The following LRRC7 variants were observed in gnomAD, a reference collection of about 807,000 sequenced individuals.
LRRC7 encodes leucine-rich repeat-containing protein 7.
A neutral mutation model predicts 175.7 loss-of-function variants in LRRC7; 23 were observed. That is an observed-to-expected ratio of 0.13 (90% CI 0.09 to 0.19). LRRC7 has a LOEUF of 0.19. LRRC7 is among the 10% of genes least tolerant of loss of function. LRRC7 has a pLI of 1.00. For synonymous variants in LRRC7, 685 were observed against 680.9 expected, an observed-to-expected ratio of 1.01 and a Z score of -0.09; for missense variants, 1,354 against 1,904.7, an observed-to-expected ratio of 0.71 and a Z score of 5.38.
intron 21 of LRRC7, among the ~76,000 whole-genome samples, 195 bp from the exon 22 acceptor site, chr1:70,043,759 T>A (rs1239570701): frequency 6.6e-6 from 1 of 152,200 alleles, no homozygotes; most frequent in Non-Finnish European, 1.5e-5. Context: ...TTTCTGTAGT[T>A]TTGGATGGTA....
intron 4 of LRRC7, among the ~76,000 whole-genome samples, chr1:69,807,669 G>A (rs1677294367): frequency 6.6e-6 from 1 of 152,106 alleles, no homozygotes; most frequent in Admixed American, 6.6e-5. Flanking sequence ...GGGATCCACT[G>A]TTAGTCTGAT....
At chr1:69,813,104 A>G (rs533420342) in intron 4 of LRRC7, among the ~76,000 whole-genome samples, 20 of 152,180 alleles carry the variant, frequency 1.3e-4, no homozygotes, top group South Asian at 4.2e-4. Flanking sequence ...CATCAGAACC[A>G]CCAATCCATT....
intron 3 of LRRC7, among the ~76,000 whole-genome samples, chr1:69,789,331 TAATTC>T (rs2101052847): frequency 6.7e-6 from 1 of 150,362 alleles, no homozygotes; most frequent in African/African-American, 2.4e-5. Context: ...ACCATGCCTT[TAATTC>T]AATTCAAGTC....
At chr1:69,963,111 C>T (rs1412822874) in intron 8 of LRRC7, among the ~76,000 whole-genome samples, 1 of 151,888 alleles carries the variant, frequency 6.6e-6, no homozygotes, top group Non-Finnish European at 1.5e-5. Flanking sequence ...TGAGACCAGC[C>T]TGGCCAGCCT....
At chr1:69,807,602 T>C (rs1365562173) in intron 4 of LRRC7, among the ~76,000 whole-genome samples, 2 of 152,096 alleles carry the variant, frequency 1.3e-5, no homozygotes, top group Non-Finnish European at 2.9e-5. Context: ...AATTATTCTC[T>C]TTAAGAATGT....
Position 69,734,388 on chromosome 1 carries a change from T to C in LRRC7, c.101-25803T>C, listed in dbSNP as rs114225942. 9.4e-3 allele frequency among the ~76,000 whole-genome samples: 1,433 copies of C among 152,020 alleles called. 22 individuals are homozygous for C. Among genetic ancestry groups the C allele is most frequent in the African/African-American group, 0.033 (1,351 of 41,548 alleles). On this transcript the variant is annotated intron_variant, in intron 2 of 26. Transcript: ENST00000651989. ...ACATAGCAAAGATTTTTTAAATAAA[T>C]ATCATTTTAATTAAAAAATTATAAT... is the stretch of plus-strand genomic sequence containing the variant.
intron 7 of LRRC7, among the ~76,000 whole-genome samples, chr1:69,885,494 G>A (rs1436469916): frequency 1.4e-5 from 2 of 142,282 alleles, no homozygotes; most frequent in Non-Finnish European, 3.0e-5. Flanking sequence ...GTGTCTATTT[G>A]ATTCTTCTCT....
chr1:70,102,130 G>A (rs994012870), intron 25 of LRRC7, among the ~76,000 whole-genome samples: 1 of 152,172 alleles, frequency 6.6e-6, no homozygotes, highest in African/African-American at 2.4e-5. Context: ...TTACTATAAA[G>A]GGTTGATACT....
At chr1:69,650,913 A>G (rs1307823576) in intron 1 of LRRC7, among the ~76,000 whole-genome samples, 28 of 152,210 alleles carry the variant, frequency 1.8e-4, no homozygotes, top group Admixed American at 1.8e-3. Context: ...TCATTTGATT[A>G]TAGCTGCCAC....
At chr1:69,826,867 T>A (rs1181805711) in intron 5 of LRRC7, among the ~76,000 whole-genome samples, 1 of 151,998 alleles carries the variant, frequency 6.6e-6, no homozygotes, top group African/African-American at 2.4e-5. Flanking sequence ...GAGGGAGTAG[T>A]GAAAGTGGTT....
At chr1:69,854,905 G>A (rs897764616) in intron 7 of LRRC7, among the ~76,000 whole-genome samples, 2 of 152,072 alleles carry the variant, frequency 1.3e-5, no homozygotes, top group Non-Finnish European at 2.9e-5. Flanking sequence ...GGCGAAGTGG[G>A]GGGGACCTGG....
At chr1:69,676,772 C>G (rs1392294929) in intron 1 of LRRC7, among the ~76,000 whole-genome samples, 1 of 151,976 alleles carries the variant, frequency 6.6e-6, no homozygotes, top group South Asian at 2.1e-4. Context: ...AAAACTGGTA[C>G]TTTTTAAAAA....
intron 26 of LRRC7, 99 bp downstream of exon 26, chr1:70,107,925 G>T (rs1435181607): frequency 6.4e-6 from 7 of 1,098,720 alleles, no homozygotes; most frequent in South Asian, 1.3e-5. Flanking sequence ...TTGAAAATAA[G>T]TCCTTCTCAC....
chr1:69,667,892 C>G (rs1403718016), intron 1 of LRRC7, among the ~76,000 whole-genome samples: 1 of 152,026 alleles, frequency 6.6e-6, no homozygotes, highest in Admixed American at 6.6e-5. Flanking sequence ...TTCCTTTCTT[C>G]CTTCTCGTCT....
intron 2 of LRRC7, among the ~76,000 whole-genome samples, chr1:69,742,232 A>G (rs1447571326): frequency 6.6e-6 from 1 of 152,054 alleles, no homozygotes; most frequent in African/African-American, 2.4e-5. Context: ...TTATTATTTT[A>G]CATATGAAAA....
At chr1:69,642,811 CATAGATAGATAGATAGATAG>C (rs142950544) in intron 1 of LRRC7, among the ~76,000 whole-genome samples, 4 of 147,176 alleles carry the variant, frequency 2.7e-5, no homozygotes, top group African/African-American at 7.6e-5. Flanking sequence ...ACAGATGATA[CATAGATAGATAGATAGATAG>C]ATAGATAGAT....
intron 10 of LRRC7, among the ~76,000 whole-genome samples, chr1:69,993,888 G>A (rs1446714869): frequency 6.6e-6 from 1 of 152,088 alleles, no homozygotes; most frequent in Non-Finnish European, 1.5e-5. Context: ...CAATTACTGT[G>A]TGACTATTGC....
At chr1:69,676,797 A>G (rs1018233513) in intron 1 of LRRC7, among the ~76,000 whole-genome samples, 8 of 152,048 alleles carry the variant, frequency 5.3e-5, no homozygotes, top group South Asian at 2.1e-4. Flanking sequence ...TCTTATTTCA[A>G]TAGCTTTAGG....
At chr1:69,772,964 C>T (rs1672409315) in intron 3 of LRRC7, among the ~76,000 whole-genome samples, 1 of 152,110 alleles carries the variant, frequency 6.6e-6, no homozygotes, top group African/African-American at 2.4e-5. Flanking sequence ...GTACGGAAGT[C>T]GTTGGTTACC....
Sources: allele counts gnomAD v4.1 joint callset (sites outside exome capture counted in the v4.1 genomes callset), GRCh38; gene constraint gnomAD v4.1.1; transcripts MANE v1.5; gene names NCBI Gene and HGNC (gene_info 2026-07-23, HGNC 2026-07-21).